C19orf44: variants seen among roughly 807,000 people sequenced by gnomAD.
The protein encoded by C19orf44 is chromosome 19 open reading frame 44, also known as uncharacterized protein C19orf44.
C19orf44 carries 43 observed loss-of-function variants against 50.7 expected under a neutral mutation model. That is an observed-to-expected ratio of 0.85 (90% confidence interval 0.66 to 1.09). The LOEUF (loss-of-function observed/expected upper bound fraction) is 1.09, where lower values mean the gene tolerates loss of function less well. C19orf44 is among the 50% of genes least tolerant of loss of function. The pLI is 0.00. For missense variants in C19orf44, 722 were observed against 836.2 expected (o/e 0.86, Z 1.68); for synonymous variants, 298 against 334.7 (o/e 0.89, Z 1.20).
At chr19:16,509,192 T>C (rs2093449125) in intron 4 of C19orf44, among the ~76,000 whole-genome samples, 1 of 152,144 alleles carries the variant, frequency 6.6e-6, no homozygotes, top group Admixed American at 6.6e-5. Context: ...CTTGAACTCC[T>C]GAGCTCAAAG....
At chr19:16,507,494 CTT>C (rs924385798) in intron 4 of C19orf44, among the ~76,000 whole-genome samples, 8 of 138,788 alleles carry the variant, frequency 5.8e-5, no homozygotes, top group Admixed American at 1.4e-4. Context: ...TTATTTTAAA[CTT>C]TTTTTTTTTT....
chr19:16,519,377 C>T lies in C19orf44; in HGVS notation c.*41-717C>T, dbSNP rs777229153. On this transcript the variant is annotated intron_variant, in intron 8 of 8. Transcript: ENST00000221671. The surrounding 1 kb of genome is among the most constrained non-coding windows in gnomAD (Gnocchi z 6.0). ...CCTGGAAACAGAGACGCAGTCACAA[C>T]CACAACAAGGCGGAGGCAGATGGGG... 9 of 1,605,448 alleles carry T rather than the reference C, an allele frequency of 5.6e-6. No individual in the cohort carries two copies. The East Asian group carries it at 1.1e-4, about 20-fold the overall frequency.
At position 16,519,367 on chromosome 19, in the gene C19orf44, G is replaced by A. The variant is rs202152485; in HGVS notation, c.*41-727G>A. On this transcript the variant is annotated intron_variant, in intron 8 of 8. Coordinates refer to ENST00000221671, the MANE Select transcript of C19orf44 (RefSeq NM_032207.4). The surrounding 1 kb of genome is among the most constrained non-coding windows in gnomAD (Gnocchi z 6.0). ...GCCGCTCCAGCCTGGAAACAGAGACGCAGTCACAACCACAACAAGGCGGAG... is the reference window on the plus strand; with the variant it reads ...GCCGCTCCAGCCTGGAAACAGAGACACAGTCACAACCACAACAAGGCGGAG... 304 of 1,607,066 alleles carry A rather than the reference G, an allele frequency of 1.9e-4. No individual in the cohort carries two copies. Among genetic ancestry groups the A allele is most frequent in the Admixed American group, 1.2e-4 (7 of 58,764 alleles).
At chr19:16,514,725 G>C in intron 7 of C19orf44, 62 bp downstream of exon 7, 1 of 1,444,918 alleles carries the variant, frequency 6.9e-7, no homozygotes, top group Non-Finnish European at 9.1e-7. Flanking sequence ...CCCAGAGGCC[G>C]GGCCGAAGGG....
chr19:16,520,212 G>C lies in C19orf44; in HGVS notation c.*159G>C. 6.2e-7 allele frequency: 1 copy of C among 1,613,444 alleles called. No individual in the cohort carries two copies. Among genetic ancestry groups the C allele is most frequent in the Non-Finnish European group, 8.5e-7 (1 of 1,180,018 alleles). On this transcript the variant is annotated 3_prime_UTR_variant, in exon 9 of 9. Transcript: ENST00000221671. The surrounding 1 kb of genome is among the most constrained non-coding windows in gnomAD (Gnocchi z 4.0). ...TCCTGGGGAGTACGACTTGGACCGG[G>C]ACCGCGACTGGGACCGGGAGCGGCT...
chr19:16,507,658 T>A (rs2093444300), intron 4 of C19orf44, among the ~76,000 whole-genome samples: 2 of 151,348 alleles, frequency 1.3e-5, no homozygotes, highest in African/African-American at 4.9e-5. Context: ...GCCCAGCTAA[T>A]TTTTGTATAT....
chr19:16,500,712 C>A, intron 1 of C19orf44, 80 bp from the exon 2 acceptor site: 1 of 1,397,728 alleles, frequency 7.2e-7, no homozygotes, highest in Non-Finnish European at 9.7e-7. Flanking sequence ...ACAGTGTGAG[C>A]TTTTGCCAAG....
intron 8 of C19orf44, chr19:16,518,237 T>TG (rs1291256334): frequency 1.3e-5 from 2 of 151,874 alleles, no homozygotes; most frequent in East Asian, 1.9e-4. Flanking sequence ...AATGAAATGA[T>TG]GGAGTGGAAG....
In C19orf44 at chr19:16,520,697, T is replaced by G; in HGVS notation, c.*644T>G. The stretch of plus-strand genomic sequence containing the variant: ...TGCTGCTGTGTGAATTCAGGCCTTG[T>G]GGAAAACACCGCCCCATAGGCACAG... On this transcript the variant is annotated 3_prime_UTR_variant, in exon 9 of 9. Coordinates refer to ENST00000221671, the MANE Select transcript of C19orf44 (RefSeq NM_032207.4). The surrounding 1 kb of genome is among the most constrained non-coding windows in gnomAD (Gnocchi z 4.0). 1.7e-6 allele frequency: 2 copies of G among 1,168,982 alleles called. No individual in the cohort carries two copies. The highest frequency in any genetic ancestry group is 1.5e-5 in the African/African-American group (1 of 66,058). The allele number at this position is 1,168,982 out of a possible 1,614,324, so 72.4% of individuals were successfully genotyped here. A position where few individuals can be genotyped will look rare whatever the true frequency, so the allele number is the denominator to read the frequency against.
chr19:16,505,775 G>C (rs11882352), intron 3 of C19orf44, among the ~76,000 whole-genome samples: 2 of 151,762 alleles, frequency 1.3e-5, no homozygotes, highest in South Asian at 4.2e-4. Flanking sequence ...CTCCAACTCC[G>C]GGTTCAAGCG....
intron 7 of C19orf44, 91 bp from the exon 8 acceptor site, chr19:16,517,139 A>C: frequency 8.5e-7 from 1 of 1,173,310 alleles, no homozygotes; most frequent in Non-Finnish European, 1.2e-6. Context: ...TGCTGGGGAC[A>C]GGTGCTGGCT....
In C19orf44 at chr19:16,520,378, G is replaced by C. The variant is rs1265936611; in HGVS notation, c.*325G>C. 6.2e-7 allele frequency: 1 copy of C among 1,613,830 alleles called. No homozygotes were observed. The highest frequency in any genetic ancestry group is 1.3e-5 in the African/African-American group (1 of 74,874). ...CCTCTGCCTACCTAGATCTGGAGCG[G>C]GAGTAGGAACGGGAGCAGGAGCGCG... On this transcript the variant is annotated 3_prime_UTR_variant, in exon 9 of 9. Transcript: ENST00000221671. This position sits in a 1 kb window ranked among gnomAD's most constrained non-coding sequence, Gnocchi z 4.0.
At chr19:16,503,474 C>T in intron 3 of C19orf44, 94 bp downstream of exon 3, 2 of 1,323,940 alleles carry the variant, frequency 1.5e-6, no homozygotes, top group Non-Finnish European at 2.1e-6. Flanking sequence ...GGCATTGCCA[C>T]AGGCAGGGAG....
At chr19:16,512,104 C>T (rs535787827) in intron 5 of C19orf44, among the ~76,000 whole-genome samples, 25 of 151,110 alleles carry the variant, frequency 1.7e-4, no homozygotes, top group Admixed American at 2.6e-4. Flanking sequence ...ATCAGCCTGA[C>T]GGGCCCCCCA....
Position 16,520,938 on chromosome 19 carries a change from GACC to G in C19orf44, c.*888_*890del, listed in dbSNP as rs755107691. ...CTGTAAGACACGGCATTCCGTGTGT[GACC>G]ACGTGACACCCACCCACAAGGAAGT... On this transcript the variant is annotated 3_prime_UTR_variant, in exon 9 of 9. Coordinates refer to ENST00000221671, the MANE Select transcript of C19orf44 (RefSeq NM_032207.4). The surrounding 1 kb of genome is among the most constrained non-coding windows in gnomAD (Gnocchi z 4.0). 71 of 1,583,978 alleles carry G rather than the reference GACC, an allele frequency of 4.5e-5. No individual in the cohort carries two copies. Among genetic ancestry groups the G allele is most frequent in the Non-Finnish European group, 5.6e-5 (65 of 1,153,522 alleles).
Position 16,520,407 on chromosome 19 carries a change from T to G in C19orf44, c.*354T>G, listed in dbSNP as rs2085600425. ...TAGGAACGGGAGCAGGAGCGCGACC[T>G]TGACCTTGAGTACGAGCCTGAAGAC... On this transcript the variant is annotated 3_prime_UTR_variant, in exon 9 of 9. Coordinates refer to ENST00000221671, the MANE Select transcript of C19orf44 (RefSeq NM_032207.4). The surrounding 1 kb of genome is among the most constrained non-coding windows in gnomAD (Gnocchi z 4.0). The G allele has an allele frequency of 6.2e-7, 1 of 1,613,962 alleles. No individual in the cohort carries two copies. Among genetic ancestry groups the G allele is most frequent in the South Asian group, 1.1e-5 (1 of 91,090 alleles).
chr19:16,500,645 G>C lies in C19orf44; in HGVS notation c.-1-147G>C, dbSNP rs1172543037. On this transcript the variant is annotated intron_variant, in intron 1 of 8. Coordinates refer to ENST00000221671, the MANE Select transcript of C19orf44 (RefSeq NM_032207.4). The stretch of plus-strand genomic sequence containing the variant: ...GGTGTGAGCCACTGCACCCAGCCTG[G>C]TCATTTTCATTGTCATCCTTGGGCT... 4 of 797,118 alleles carry C rather than the reference G, an allele frequency of 5.0e-6. No individual in the cohort carries two copies. The African/African-American group carries it at 6.9e-5, about 14-fold the overall frequency. 49.4% of individuals were successfully genotyped at this position (797,118 alleles called of 1,614,324 possible).
Position 16,501,527 on chromosome 19 carries a change from G to A in C19orf44, c.735G>A (p.Glu245=). The change falls in exon 2 of 9, where the codon GAG becomes GAA. Residue 245 remains glutamate (E), a synonymous_variant. Transcript: ENST00000221671. The part of the protein sequence containing the change: ...NQGFSSANVS[E]EEERKLFSVP... Reference sequence around the variant, plus strand: ...GCTTCAGCAGCGCTAACGTCAGCGAGGAAGAAGAAAGAAAACTATTTTCGG... The same window carrying A: ...GCTTCAGCAGCGCTAACGTCAGCGAAGAAGAAGAAAGAAAACTATTTTCGG... 3 of 1,418,614 alleles carry A rather than the reference G, an allele frequency of 2.1e-6. No homozygotes were observed. The highest frequency in any genetic ancestry group is 1.7e-5 in the South Asian group (1 of 57,266). The allele number at this position is 1,418,614 out of a possible 1,614,324, so 87.9% of individuals were successfully genotyped here. A position where few individuals can be genotyped will look rare whatever the true frequency, so the allele number is the denominator to read the frequency against.
intron 3 of C19orf44, among the ~76,000 whole-genome samples, 185 bp from the exon 4 acceptor site, chr19:16,506,516 T>C (rs2093440982): frequency 6.6e-6 from 1 of 151,788 alleles, no homozygotes. Context: ...TCACTTGAAC[T>C]TGGGAGGCAG....
Sources: gnomAD v4.1 joint callset for allele counts (sites outside exome capture counted in the v4.1 genomes callset) on GRCh38, gnomAD v4.1.1 for gene constraint, Gnocchi (gnomAD v3.1) non-coding constraint, MANE v1.5 for transcripts, NCBI Gene and HGNC (gene_info 2026-07-23, HGNC 2026-07-21) for gene names.